The following ERICH1 variants were observed in gnomAD, a reference collection of about 807,000 sequenced individuals.
The protein encoded by ERICH1 is glutamate-rich protein 1.
A neutral mutation model predicts 39.6 loss-of-function variants in ERICH1; 56 were observed. That is an observed-to-expected ratio of 1.41 (90% CI 1.14 to 1.77). ERICH1 has a LOEUF of 1.77. ERICH1 is among the 40% of genes most tolerant of loss of function. ERICH1 has a pLI of 0.00. For missense variants in ERICH1, 826 were observed against 575.4 expected (o/e 1.44, Z -4.45); for synonymous variants, 313 against 223.6 (o/e 1.40, Z -3.57).
intron 4 of ERICH1, 37 bp downstream of exon 4, chr8:673,252 A>T (rs762181174): frequency 1.3e-6 from 2 of 1,546,572 alleles, no homozygotes; most frequent in Non-Finnish European, 1.7e-6. Flanking sequence ...TTTTAAGTGG[A>T]TGTCACTATG....
intron 3 of ERICH1, among the ~76,000 whole-genome samples, chr8:655,735 T>G (rs534466540): frequency 6.6e-6 from 1 of 150,904 alleles, no homozygotes; most frequent in South Asian, 2.1e-4. Context: ...CCACTTCCAT[T>G]CCACTCCTCT....
At chr8:696,378 C>CCT (rs199661231) in intron 2 of ERICH1, among the ~76,000 whole-genome samples, 1 of 5,308 alleles carries the variant, frequency 1.9e-4, no homozygotes, top group African/African-American at 9.1e-4. Context: ...TGCGCTCGCT[C>CCT]CTCACCCTCC....
chr8:657,246 G>A lies in ERICH1; in HGVS notation c.976+11352C>T, dbSNP rs139671934. The stretch of plus-strand genomic sequence containing the variant: ...ATAAACCTGAGAGGGGCTTCTGCCC[G>A]ATTTCGGTCAGGAGCCTTTTCTCTT... On this transcript the variant is annotated intron_variant, in intron 3 of 3. Transcript: ENST00000522706. Among the ~76,000 whole-genome samples the A allele has an allele frequency of 3.6e-3, 548 of 152,318 alleles. 2 individuals carry two copies. The highest frequency in any genetic ancestry group is 0.01 in the Middle Eastern group (3 of 294).
intron 2 of ERICH1, among the ~76,000 whole-genome samples, chr8:695,538 TCGCCCTC>T (rs1809980647): frequency 3.2e-5 from 4 of 125,566 alleles, no homozygotes; most frequent in African/African-American, 1.1e-4. Flanking sequence ...CTTGCTCCTC[TCGCCCTC>T]CACTCCTCTC....
chr8:653,333 G>C (rs771498790), intron 3 of ERICH1, among the ~76,000 whole-genome samples: 19 of 152,232 alleles, frequency 1.2e-4, no homozygotes, highest in Admixed American at 8.5e-4. Context: ...ATAGCAGACA[G>C]GACTGAAAAC....
rs1417998675 is a variant in ERICH1, at chr8:727,776, C to G, written c.22+3364G>C. Among the ~76,000 whole-genome samples the G allele has an allele frequency of 2.6e-5, 4 of 152,188 alleles. No individual in the cohort carries two copies. In the East Asian group the frequency reaches 5.8e-4, roughly 22 times the overall value. ...GGCCAGCAGCATGGTGCCCTTGGAGCTCTCTCCTTGACGCGAGCGGCTGGC... is the reference window on the plus strand; with the variant it reads ...GGCCAGCAGCATGGTGCCCTTGGAGGTCTCTCCTTGACGCGAGCGGCTGGC... On this transcript the variant is annotated intron_variant, in intron 1 of 5. Coordinates refer to ENST00000262109, the MANE Select transcript of ERICH1 (RefSeq NM_207332.3).
At position 711,390 on chromosome 8, in the gene ERICH1, C is replaced by A. The variant is rs745782110; in HGVS notation, c.169+4471G>T. The stretch of plus-strand genomic sequence containing the variant: ...TCAATTCTTTCTTTGATTGATCAAG[C>A]CTTTGGTGTTGTAGCTAAAAAGTCA... On this transcript the variant is annotated intron_variant, in intron 2 of 5. Transcript: ENST00000262109. Among the ~76,000 whole-genome samples the A allele has an allele frequency of 2.0e-5, 3 of 152,088 alleles. No individual in the cohort carries two copies. In the South Asian group the frequency reaches 6.2e-4, roughly 32 times the overall value.
At chr8:707,399 G>A (rs1202342089) in intron 2 of ERICH1, among the ~76,000 whole-genome samples, 2 of 151,822 alleles carry the variant, frequency 1.3e-5, no homozygotes, top group Non-Finnish European at 2.9e-5. Flanking sequence ...GTAGAGATGG[G>A]GTTTCACCAC....
Position 705,911 on chromosome 8 carries a change from G to A in ERICH1, c.169+9950C>T, listed in dbSNP as rs184408176. ...AAGATGGTAACACTGCACTTTCACC[G>A]TACGTTTTTAATGTTTGGATGCTGA... On this transcript the variant is annotated intron_variant, in intron 2 of 5. Coordinates refer to ENST00000262109, the MANE Select transcript of ERICH1 (RefSeq NM_207332.3). Among the ~76,000 whole-genome samples, 199 of 152,286 alleles carry A rather than the reference G, an allele frequency of 1.3e-3. 2 individuals carry two copies. The highest frequency in any genetic ancestry group is 4.6e-3 in the South Asian group (22 of 4,820).
At chr8:616,841 AG>A (rs1796938356) in intron 3 of ERICH1, among the ~76,000 whole-genome samples, 1 of 137,912 alleles carries the variant, frequency 7.3e-6, no homozygotes, top group African/African-American at 2.8e-5. Context: ...AGAGAAAGAG[AG>A]AGGGAGACAG....
At chr8:642,555 A>G (rs529095303) in intron 3 of ERICH1, among the ~76,000 whole-genome samples, 13 of 152,090 alleles carry the variant, frequency 8.5e-5, no homozygotes, top group African/African-American at 1.2e-4. Flanking sequence ...TGTGTTAGCC[A>G]GGATGGTCTC....
chr8:677,326 A>T (rs1182085248), intron 3 of ERICH1, among the ~76,000 whole-genome samples: 1 of 152,194 alleles, frequency 6.6e-6, no homozygotes, highest in Non-Finnish European at 1.5e-5. Flanking sequence ...GTGAGATGAC[A>T]TTGCTGCCGC....
chr8:693,807 G>A (rs1809514930), intron 2 of ERICH1, among the ~76,000 whole-genome samples: 2 of 152,158 alleles, frequency 1.3e-5, no homozygotes, highest in Admixed American at 1.3e-4. Context: ...ACCGTGGATG[G>A]CTACTGGGAC....
intron 1 of ERICH1, among the ~76,000 whole-genome samples, chr8:726,897 C>T (rs1818864983): frequency 5.9e-5 from 1 of 16,872 alleles, no homozygotes; most frequent in Non-Finnish European, 1.3e-4. Context: ...ACACACATCC[C>T]AGACATGCAT....
chr8:630,540 CCA>C (rs1167123499), intron 3 of ERICH1, among the ~76,000 whole-genome samples: 1 of 110,302 alleles, frequency 9.1e-6, no homozygotes, highest in Non-Finnish European at 1.8e-5. Flanking sequence ...CCGTGAGCAC[CCA>C]CACAGAGCTG....
At chr8:689,706 C>G (rs1234467527) in intron 3 of ERICH1, among the ~76,000 whole-genome samples, 2 of 152,200 alleles carry the variant, frequency 1.3e-5, no homozygotes, top group Non-Finnish European at 2.9e-5. Context: ...CACTGTCGTG[C>G]TGCTGGGAAG....
intron 3 of ERICH1, among the ~76,000 whole-genome samples, chr8:649,522 C>A (rs898693897): frequency 6.6e-6 from 1 of 152,012 alleles, no homozygotes; most frequent in Non-Finnish European, 1.5e-5. Context: ...AGCCCCTGGG[C>A]CCCGGGGGGA....
intron 3 of ERICH1, among the ~76,000 whole-genome samples, chr8:686,138 G>C (rs913205573): frequency 6.6e-6 from 1 of 152,182 alleles, no homozygotes; most frequent in African/African-American, 2.4e-5. Flanking sequence ...TGGGATGACA[G>C]AGCGAGACTC....
At position 719,762 on chromosome 8, in the gene ERICH1, T is replaced by A. The variant is rs1406288274; in HGVS notation, c.23-3755A>T. ...TGCACATGTATTGAATTATTACCTT[T>A]GTGCTATTTAATACTTTAAGGACTC... On this transcript the variant is annotated intron_variant, in intron 1 of 5. Coordinates refer to ENST00000262109, the MANE Select transcript of ERICH1 (RefSeq NM_207332.3). 1.6e-4 allele frequency among the ~76,000 whole-genome samples: 25 copies of A among 152,208 alleles called. 1 individual carries two copies. The highest frequency in any genetic ancestry group is 1.6e-3 in the Admixed American group (25 of 15,286).
Sources: gnomAD v4.1 joint callset for allele counts (sites outside exome capture counted in the v4.1 genomes callset) on GRCh38, gnomAD v4.1.1 for gene constraint, MANE v1.5 for transcripts, NCBI Gene and HGNC (gene_info 2026-07-23, HGNC 2026-07-21) for gene names.